CRACD: variants seen among roughly 807,000 people sequenced by gnomAD.
CRACD encodes capping protein-inhibiting regulator of actin dynamics.
CRACD carries 56 observed loss-of-function variants against 106.8 expected under a neutral mutation model. The observed-to-expected ratio is 0.52, with a 90% CI of 0.42 to 0.66. The LOEUF (loss-of-function observed/expected upper bound fraction) is 0.66. CRACD is among the 30% of genes least tolerant of loss of function. CRACD has a pLI of 0.00. For synonymous variants in CRACD, 754 were observed against 670.8 expected (o/e 1.12, Z -1.92); for missense variants, 1,730 against 1,623.2 (o/e 1.07, Z -1.13).
intron 1 of CRACD, among the ~76,000 whole-genome samples, chr4:56,169,632 G>A (rs1736280275): frequency 2.0e-5 from 3 of 152,110 alleles, no homozygotes; most frequent in Admixed American, 1.3e-4. Flanking sequence ...AAGTAGCTGG[G>A]ACTACAGGTG....
At chr4:56,172,035 T>TTTTTTTTTTTC (rs1736391238) in intron 1 of CRACD, among the ~76,000 whole-genome samples, 1 of 146,996 alleles carries the variant, frequency 6.8e-6, no homozygotes, top group African/African-American at 2.5e-5. Context: ...TTTTTTTTTT[T>TTTTTTTTTTTC]CAACTTTACA....
intron 2 of CRACD, among the ~76,000 whole-genome samples, chr4:56,257,013 C>G (rs1455735872): frequency 6.7e-6 from 1 of 149,934 alleles, no homozygotes; most frequent in African/African-American, 2.5e-5. Flanking sequence ...AGATACATTA[C>G]AAAATAACAG....
At chr4:56,156,424 C>T (rs1456747392) in intron 1 of CRACD, among the ~76,000 whole-genome samples, 4 of 152,170 alleles carry the variant, frequency 2.6e-5, no homozygotes, top group East Asian at 1.9e-4. Context: ...ACCCGCCAAC[C>T]GTGTGACCAG....
intron 1 of CRACD, among the ~76,000 whole-genome samples, chr4:56,173,327 A>C (rs1038961932): frequency 2.0e-5 from 3 of 152,222 alleles, no homozygotes; most frequent in Non-Finnish European, 2.9e-5. Context: ...GCCCAGATAC[A>C]TTCATTCTTG....
At chr4:56,104,966 CAAAA>C (rs34655977) in intron 1 of CRACD, among the ~76,000 whole-genome samples, 15 of 68,882 alleles carry the variant, frequency 2.2e-4, no homozygotes, top group Admixed American at 2.9e-4. Context: ...GACTCCGTCT[CAAAA>C]AAAAAAAAAA....
intron 1 of CRACD, among the ~76,000 whole-genome samples, chr4:56,175,670 T>A (rs894347251): frequency 7.2e-5 from 11 of 152,198 alleles, no homozygotes; most frequent in African/African-American, 2.4e-4. Flanking sequence ...TAGAGTTCTT[T>A]ATATATTCTG....
At chr4:56,122,572 C>T (rs1734526444) in intron 1 of CRACD, among the ~76,000 whole-genome samples, 7 of 152,108 alleles carry the variant, frequency 4.6e-5, no homozygotes, top group Admixed American at 3.9e-4. Flanking sequence ...GCATTATGCA[C>T]TGTTACTAGG....
chr4:56,319,614 A>C (rs544671451), intron 8 of CRACD, among the ~76,000 whole-genome samples: 1 of 149,954 alleles, frequency 6.7e-6, no homozygotes, highest in South Asian at 2.1e-4. Flanking sequence ...AAAAAAAGGA[A>C]AAAAAAAAAG....
intron 1 of CRACD, among the ~76,000 whole-genome samples, chr4:56,145,337 A>G (rs1406559076): frequency 6.6e-6 from 1 of 152,190 alleles, no homozygotes; most frequent in Non-Finnish European, 1.5e-5. Context: ...TAAGTTTGTG[A>G]GACTGAATCA....
chr4:56,168,459 G>T (rs1736236384), intron 1 of CRACD, among the ~76,000 whole-genome samples: 1 of 151,404 alleles, frequency 6.6e-6, no homozygotes, highest in African/African-American at 2.4e-5. Context: ...TTAACTTAAT[G>T]CTTGCATTTA....
chr4:56,206,006 A>G (rs187080894), intron 2 of CRACD, among the ~76,000 whole-genome samples: 150 of 152,344 alleles, frequency 9.8e-4, no homozygotes, highest in African/African-American at 3.4e-3. Context: ...TTATAGAAAT[A>G]TGGGACTTTC....
intron 1 of CRACD, among the ~76,000 whole-genome samples, chr4:56,146,094 T>A (rs1735369064): frequency 6.6e-6 from 1 of 152,218 alleles, no homozygotes; most frequent in Admixed American, 6.5e-5. Flanking sequence ...TTTATTATTA[T>A]GGACTATTTG....
chr4:56,184,953 ATTTAT>A (rs1485322475), intron 2 of CRACD, among the ~76,000 whole-genome samples: 1 of 152,014 alleles, frequency 6.6e-6, no homozygotes, highest in East Asian at 1.9e-4. Context: ...CATTTAGTTT[ATTTAT>A]TTTATTTTTA....
At chr4:56,188,645 C>CTA (rs1737194328) in intron 2 of CRACD, among the ~76,000 whole-genome samples, 1 of 143,956 alleles carries the variant, frequency 6.9e-6, no homozygotes, top group Non-Finnish European at 1.5e-5. Flanking sequence ...CTCTCTCTCT[C>CTA]TCTATCTCTC....
chr4:56,199,121 T>C (rs555128479), intron 2 of CRACD, among the ~76,000 whole-genome samples: 1 of 152,270 alleles, frequency 6.6e-6, no homozygotes, highest in African/African-American at 2.4e-5. Context: ...TCTTGCCTGA[T>C]ACATATGTGT....
Position 56,140,172 on chromosome 4 carries a change from GCATC to G in CRACD, c.-335-39109_-335-39106del, listed in dbSNP as rs536573018. Among the ~76,000 whole-genome samples the G allele has an allele frequency of 5.3e-5, 8 of 152,210 alleles. No individual in the cohort carries two copies. The South Asian group carries it at 1.7e-3, about 32-fold the overall frequency. On this transcript the variant is annotated intron_variant, in intron 1 of 10. Coordinates refer to ENST00000682029, the MANE Select transcript of CRACD (RefSeq NM_001393381.1). ...CTCAGCTCCCTTCCCCTTTATCCCT[GCATC>G]CACAGTGACTCTCCACGGTTCACTT...
At chr4:56,226,286 A>G (rs973211223) in intron 2 of CRACD, among the ~76,000 whole-genome samples, 2 of 152,148 alleles carry the variant, frequency 1.3e-5, no homozygotes, top group African/African-American at 4.8e-5. Context: ...AGATGGGCAC[A>G]TTGTTTGGGA....
At chr4:56,119,733 A>C (rs1206889061) in intron 1 of CRACD, among the ~76,000 whole-genome samples, 1 of 151,818 alleles carries the variant, frequency 6.6e-6, no homozygotes, top group Non-Finnish European at 1.5e-5. Context: ...CACAAGCCAC[A>C]CCTCTCTTAT....
rs1163668597 is a variant in CRACD at position 56,315,340 on chromosome 4, T to A, written c.1838T>A (p.Ile613Asn). 1 of 1,613,652 alleles carries A rather than the reference T, an allele frequency of 6.2e-7. No homozygotes were observed. Reference protein sequence around the residue: ...LCGPAVNLSQIKDTACKSLLG... With the variant: ...LCGPAVNLSQNKDTACKSLLG... ...GGCCCGGCAGTCAACCTGAGCCAGA[T>A]CAAGGACACCGCGTGCAAGTCCCTC... Residue 613 changes from isoleucine (I) to asparagine (N), a missense_variant, in exon 8 of 11, where the codon ATC becomes AAC. By Grantham distance (149) the Ile-to-Asn change is moderately radical. Coordinates refer to ENST00000682029, the MANE Select transcript of CRACD (RefSeq NM_001393381.1). This position sits in a 1 kb window ranked among gnomAD's most constrained non-coding sequence, Gnocchi z 4.1.
Sources: gnomAD v4.1 joint callset for allele counts (sites outside exome capture counted in the v4.1 genomes callset) on GRCh38, gnomAD v4.1.1 for gene constraint, Gnocchi (gnomAD v3.1) non-coding constraint, MANE v1.5 for transcripts, NCBI Gene and HGNC (gene_info 2026-07-23, HGNC 2026-07-21) for gene names.